The following SLIT3 variants were observed in gnomAD, a reference collection of about 807,000 sequenced individuals.
SLIT3 encodes slit guidance ligand 3.
In SLIT3, 68 loss-of-function variants were observed where a neutral mutation model predicts 184.0. That is an observed-to-expected ratio of 0.37 (90% CI 0.30 to 0.45). The LOEUF is 0.45. Among genes scored for constraint, SLIT3 ranks in the 20% least tolerant of loss-of-function variants. The pLI is 1.00. For synonymous variants in SLIT3, 831 were observed against 828.6 expected (o/e 1.00, Z -0.05); for missense variants, 1,707 against 2,026.0 (o/e 0.84, Z 3.02).
At position 168,949,774 on chromosome 5, in the gene SLIT3, T is replaced by C. The variant is rs117811656; in HGVS notation, c.414-66438A>G. Among the ~76,000 whole-genome samples, 676 of 152,156 alleles carry C rather than the reference T, an allele frequency of 4.4e-3. 36 individuals are homozygous for C. In the East Asian group the frequency reaches 0.11, roughly 24 times the overall value. ...GCCACCACACCCAGCTAATTTTTTG[T>C]AGAAATGGGCTCTCACTATGTTACT... On this transcript the variant is annotated intron_variant, in intron 4 of 35. Transcript: ENST00000519560.
chr5:168,920,005 G>A (rs115803473), intron 4 of SLIT3, among the ~76,000 whole-genome samples: 1,762 of 152,290 alleles, frequency 0.012, 32 homozygotes, highest in African/African-American at 0.04. Context: ...ATTTAGAGGT[G>A]TTAAAATCAA....
At chr5:169,189,597 G>A (rs1369977364) in intron 4 of SLIT3, among the ~76,000 whole-genome samples, 2 of 128,044 alleles carry the variant, frequency 1.6e-5, no homozygotes, top group Non-Finnish European at 3.2e-5. Context: ...TCTAAACTTT[G>A]AGCTTTAATT....
At chr5:168,818,357 T>C (rs936963748) in intron 7 of SLIT3, among the ~76,000 whole-genome samples, 1 of 152,140 alleles carries the variant, frequency 6.6e-6, no homozygotes, top group Non-Finnish European at 1.5e-5. Context: ...GGGAATCCCA[T>C]CAAGTTAAGT....
chr5:168,745,334 T>C, intron 20 of SLIT3, among the ~76,000 whole-genome samples: 1 of 152,222 alleles, frequency 6.6e-6, no homozygotes, highest in East Asian at 1.9e-4. Flanking sequence ...GTGAACGTTG[T>C]TGAAATGACA....
At chr5:169,225,905 T>C (rs550227013) in intron 3 of SLIT3, among the ~76,000 whole-genome samples, 23 of 152,302 alleles carry the variant, frequency 1.5e-4, no homozygotes, top group African/African-American at 5.3e-4. Flanking sequence ...AAGCTCACTC[T>C]GGCTGCTCTA....
chr5:168,953,558 G>C (rs756066990), intron 4 of SLIT3, among the ~76,000 whole-genome samples: 2 of 152,204 alleles, frequency 1.3e-5, no homozygotes, highest in African/African-American at 2.4e-5. Flanking sequence ...TGAAGCTAAT[G>C]ATAACTATCT....
At chr5:168,824,704 T>C (rs1441499250) in intron 6 of SLIT3, among the ~76,000 whole-genome samples, 1 of 152,164 alleles carries the variant, frequency 6.6e-6, no homozygotes, top group East Asian at 1.9e-4. Flanking sequence ...CAATTCCTCA[T>C]GGTGGCCACT....
chr5:169,276,166 T>G (rs1489718786), intron 1 of SLIT3, among the ~76,000 whole-genome samples: 1 of 152,184 alleles, frequency 6.6e-6, no homozygotes, highest in African/African-American at 2.4e-5. Flanking sequence ...AAAGAGGGTT[T>G]CTGGCCCATC....
intron 4 of SLIT3, among the ~76,000 whole-genome samples, chr5:169,103,583 G>T (rs963168828): frequency 6.6e-6 from 1 of 152,208 alleles, no homozygotes; most frequent in African/African-American, 2.4e-5. Flanking sequence ...AAAATGCAGG[G>T]ATTAAGTTCC....
intron 8 of SLIT3, among the ~76,000 whole-genome samples, chr5:168,814,397 GCAAACAAACAAA>G (rs34174262): frequency 1.5e-4 from 22 of 150,800 alleles, no homozygotes; most frequent in South Asian, 4.2e-4. Flanking sequence ...ACTGTCTCAA[GCAAACAAACAAA>G]CAAACAAACA....
chr5:169,156,405 C>A (rs1030863197), intron 4 of SLIT3, among the ~76,000 whole-genome samples: 1 of 152,230 alleles, frequency 6.6e-6, no homozygotes, highest in East Asian at 1.9e-4. Flanking sequence ...TGATCTCTCA[C>A]CCCCAATGGC....
chr5:168,992,110 A>G (rs1755350386), intron 4 of SLIT3, among the ~76,000 whole-genome samples: 1 of 152,216 alleles, frequency 6.6e-6, no homozygotes, highest in Non-Finnish European at 1.5e-5. Flanking sequence ...TGCCTTTGCC[A>G]TTGGACTTGG....
chr5:169,000,392 C>CAA (rs34002967), intron 4 of SLIT3, among the ~76,000 whole-genome samples: 980 of 40,928 alleles, frequency 0.024, 15 homozygotes, highest in African/African-American at 0.04. Flanking sequence ...AACTCCATCT[C>CAA]AAAAAAAAAA....
At chr5:168,825,566 C>T (rs1242867903) in intron 6 of SLIT3, among the ~76,000 whole-genome samples, 1 of 152,164 alleles carries the variant, frequency 6.6e-6, no homozygotes, top group Non-Finnish European at 1.5e-5. Flanking sequence ...CTCCTGCCTA[C>T]TTTATGACTT....
chr5:168,851,211 T>C (rs1014078262), intron 5 of SLIT3, among the ~76,000 whole-genome samples: 4 of 150,914 alleles, frequency 2.7e-5, no homozygotes, highest in Non-Finnish European at 5.9e-5. Flanking sequence ...TAGTCCCAGC[T>C]ACTCGGGAGG....
intron 5 of SLIT3, among the ~76,000 whole-genome samples, chr5:168,864,748 T>C (rs1313458995): frequency 1.3e-5 from 2 of 152,230 alleles, no homozygotes; most frequent in African/African-American, 2.4e-5. Flanking sequence ...CCATGGGCCA[T>C]ATATACTGAT....
intron 32 of SLIT3, among the ~76,000 whole-genome samples, chr5:168,682,281 C>G (rs1761614466): frequency 6.6e-6 from 1 of 152,364 alleles, no homozygotes; most frequent in Non-Finnish European, 1.5e-5. Context: ...TCCCAGCATG[C>G]CTTGCCCACC....
chr5:169,110,219 A>G (rs950409142), intron 4 of SLIT3, among the ~76,000 whole-genome samples: 2 of 152,242 alleles, frequency 1.3e-5, no homozygotes, highest in African/African-American at 4.8e-5. Flanking sequence ...TCATGTTATA[A>G]CTGCATGGTT....
At chr5:168,884,225 C>G (rs1760079929) in intron 4 of SLIT3, among the ~76,000 whole-genome samples, 1 of 151,572 alleles carries the variant, frequency 6.6e-6, no homozygotes, top group Non-Finnish European at 1.5e-5. Context: ...AAAGACCGAC[C>G]CATCAGGCCT....
Sources: allele counts gnomAD v4.1 joint callset (sites outside exome capture counted in the v4.1 genomes callset), GRCh38; gene constraint gnomAD v4.1.1; transcripts MANE v1.5; gene names NCBI Gene and HGNC (gene_info 2026-07-23, HGNC 2026-07-21).